RAD51B: variants seen among roughly 807,000 people sequenced by gnomAD.
RAD51B encodes DNA repair protein RAD51 homolog 2.
Under a neutral mutation model 42.2 loss-of-function variants are expected in RAD51B, and 38 were observed. The ratio of observed to expected loss-of-function variants is 0.90; its 90% CI spans 0.70 to 1.18. The LOEUF (loss-of-function observed/expected upper bound fraction) is 1.18, where lower values mean the gene tolerates loss of function less well. Among genes scored for constraint, RAD51B ranks in the 50% most tolerant of loss-of-function variants. The pLI, the probability that RAD51B is intolerant of heterozygous loss-of-function variation, is 0.00. For missense variants in RAD51B, 373 were observed against 400.7 expected (o/e 0.93, Z 0.59); for synonymous variants, 154 against 145.2 (o/e 1.06, Z -0.43).
chr14:67,866,388 A>G (rs2042337398), intron 5 of RAD51B, among the ~76,000 whole-genome samples: 1 of 152,194 alleles, frequency 6.6e-6, no homozygotes, highest in Non-Finnish European at 1.5e-5. Context: ...TAAAATGCCA[A>G]TGACTAGCCT....
chr14:68,014,359 C>T (rs971841597), intron 7 of RAD51B, among the ~76,000 whole-genome samples: 1 of 152,090 alleles, frequency 6.6e-6, no homozygotes. Context: ...TCTTCTTTGT[C>T]TCTCAGAACC....
In RAD51B at chr14:68,390,054, T is replaced by C. The variant is rs547342743; in HGVS notation, c.854-21370T>C. On this transcript the variant is annotated intron_variant, in intron 8 of 10. Coordinates refer to ENST00000471583, the MANE Select transcript of RAD51B (RefSeq NM_133510.4). ...ACAAGTCTGTAAAATGTTCCTTATT[T>C]CTCAGACGAAGAGCCTCATCTCCAC... 7.2e-5 allele frequency among the ~76,000 whole-genome samples: 11 copies of C among 152,356 alleles called. No individual in the cohort carries two copies. The East Asian group carries it at 2.1e-3, about 29-fold the overall frequency.
chr14:68,119,482 C>A (rs933737347), intron 7 of RAD51B, among the ~76,000 whole-genome samples: 2 of 118,010 alleles, frequency 1.7e-5, no homozygotes, highest in African/African-American at 6.4e-5. Flanking sequence ...CCCCACCCCA[C>A]AACAGTCCCC....
rs1220246813 is a variant in RAD51B at position 67,834,949 on chromosome 14, G to A, written c.199-131G>A. ...CCCTGGCACAGAGTAAATATTTGTT[G>A]AACAAATAAATAATAGAAGGGAAAA... On this transcript the variant is annotated intron_variant, in intron 3 of 10. Coordinates refer to ENST00000471583, the MANE Select transcript of RAD51B (RefSeq NM_133510.4). The A allele has an allele frequency of 6.0e-6, 4 of 661,866 alleles. No individual in the cohort carries two copies. In the Admixed American group the frequency reaches 1.1e-4, roughly 18 times the overall value. The allele number at this position is 661,866 out of a possible 1,614,324, so 41.0% of individuals were successfully genotyped here.
At chr14:67,977,718 T>A (rs1192257393) in intron 7 of RAD51B, among the ~76,000 whole-genome samples, 2 of 152,246 alleles carry the variant, frequency 1.3e-5, no homozygotes, top group East Asian at 3.8e-4. Context: ...TAAAGTCAGG[T>A]AATGATATCA....
At chr14:68,587,618 C>T (rs904653123) in intron 10 of RAD51B, among the ~76,000 whole-genome samples, 2 of 151,946 alleles carry the variant, frequency 1.3e-5, no homozygotes, top group Non-Finnish European at 2.9e-5. Flanking sequence ...GCACATCCAT[C>T]CCCCCCGAGA....
intron 8 of RAD51B, among the ~76,000 whole-genome samples, chr14:68,356,366 C>T (rs921976301): frequency 1.9e-4 from 27 of 140,232 alleles, no homozygotes; most frequent in African/African-American, 7.3e-4. Flanking sequence ...ACCCAGGAGG[C>T]GGAGCTTGCA....
At chr14:68,359,053 G>A (rs1383963508) in intron 8 of RAD51B, among the ~76,000 whole-genome samples, 1 of 152,040 alleles carries the variant, frequency 6.6e-6, no homozygotes, top group Non-Finnish European at 1.5e-5. Context: ...CCACAGTGGA[G>A]CACACCCCAC....
Position 68,387,925 on chromosome 14 carries a change from T to C in RAD51B, c.854-23499T>C, listed in dbSNP as rs117726988. ...ACATAAAATGTCTTAATTTTCATAT[T>C]GATTACACGTTGAAATGATAATGTT... On this transcript the variant is annotated intron_variant, in intron 8 of 10. Coordinates refer to ENST00000471583, the MANE Select transcript of RAD51B (RefSeq NM_133510.4). 1.3e-3 allele frequency among the ~76,000 whole-genome samples: 195 copies of C among 152,260 alleles called. 4 individuals carry two copies. In the East Asian group the frequency reaches 0.035, roughly 27 times the overall value.
chr14:68,160,158 A>T (rs926304869), intron 7 of RAD51B, among the ~76,000 whole-genome samples: 13 of 152,218 alleles, frequency 8.5e-5, no homozygotes, highest in African/African-American at 3.1e-4. Flanking sequence ...GAAATGTAAC[A>T]TACTCACTGT....
At chr14:68,547,781 G>A (rs1888314102) in intron 10 of RAD51B, among the ~76,000 whole-genome samples, 1 of 152,218 alleles carries the variant, frequency 6.6e-6, no homozygotes. Context: ...GGGACACCCT[G>A]AAGCAGAACA....
chr14:68,245,690 G>A (rs188344037), intron 7 of RAD51B, among the ~76,000 whole-genome samples: 1 of 152,312 alleles, frequency 6.6e-6, no homozygotes, highest in East Asian at 1.9e-4. Flanking sequence ...CTCACAAGTT[G>A]AATAGGGCTC....
exon 11 of RAD51B, chr14:68,611,150 C>A: frequency 1.4e-6 from 1 of 703,170 alleles, no homozygotes. Context: ...TCCATGTGCC[C>A]TCCACAGATG....
rs2082764129 is a variant in RAD51B at position 68,350,511 on chromosome 14, A to G, written c.853+58531A>G. On this transcript the variant is annotated intron_variant, in intron 8 of 10. Coordinates refer to ENST00000471583, the MANE Select transcript of RAD51B (RefSeq NM_133510.4). The stretch of plus-strand genomic sequence containing the variant: ...CTGACAGTCAGAAAATTGCTGGTGA[A>G]GCATCTTTCTTCAGAGTGCCTCCCT... Among the ~76,000 whole-genome samples, 3 of 152,220 alleles carry G rather than the reference A, an allele frequency of 2.0e-5. No homozygotes were observed. In the South Asian group the frequency reaches 6.2e-4, roughly 32 times the overall value.
intron 7 of RAD51B, among the ~76,000 whole-genome samples, chr14:68,092,297 C>G (rs1262211092): frequency 1.3e-5 from 2 of 152,134 alleles, no homozygotes; most frequent in African/African-American, 4.8e-5. Context: ...GGCAGTATGG[C>G]CATTTTCACA....
At chr14:67,949,746 T>C (rs1362338505) in intron 7 of RAD51B, among the ~76,000 whole-genome samples, 5 of 152,176 alleles carry the variant, frequency 3.3e-5, no homozygotes, top group African/African-American at 7.2e-5. Flanking sequence ...ATGTCTTAAA[T>C]AGTGAAACTT....
chr14:68,037,707 C>T (rs2076156107), intron 7 of RAD51B, among the ~76,000 whole-genome samples: 1 of 152,208 alleles, frequency 6.6e-6, no homozygotes, highest in Non-Finnish European at 1.5e-5. Context: ...CCAACATCTC[C>T]AGTTGGTGAA....
chr14:67,869,138 G>A (rs942170834), intron 5 of RAD51B, among the ~76,000 whole-genome samples: 26 of 152,150 alleles, frequency 1.7e-4, no homozygotes, highest in Non-Finnish European at 1.9e-4. Context: ...AAATTACTCC[G>A]AGCTACGGGA....
At chr14:68,251,150 GA>G (rs1252774937) in intron 7 of RAD51B, among the ~76,000 whole-genome samples, 4 of 151,356 alleles carry the variant, frequency 2.6e-5, no homozygotes, top group Non-Finnish European at 5.9e-5. Flanking sequence ...AGATCCAGGG[GA>G]AAAAAAGAAG....
Sources: allele counts gnomAD v4.1 joint callset (sites outside exome capture counted in the v4.1 genomes callset), GRCh38; gene constraint gnomAD v4.1.1; transcripts MANE v1.5; gene names NCBI Gene and HGNC (gene_info 2026-07-23, HGNC 2026-07-21).